The following PPFIBP1 variants were observed in gnomAD, a reference collection of about 807,000 sequenced individuals.
The protein encoded by PPFIBP1 is liprin-beta-1.
PPFIBP1 carries 112 observed loss-of-function variants against 137.8 expected under a neutral mutation model. The observed-to-expected ratio is 0.81, with a 90% CI of 0.70 to 0.95. The LOEUF (loss-of-function observed/expected upper bound fraction) is 0.95, where lower values mean the gene tolerates loss of function less well. Ranked by LOEUF, PPFIBP1 falls within the 40% of genes least tolerant of loss-of-function variation. The probability of loss-of-function intolerance (pLI) is 0.00; values close to 1 mark genes in which losing one functional copy is unlikely to be tolerated. For missense variants in PPFIBP1, 1,083 were observed against 1,196.6 expected (o/e 0.91, Z 1.40); for synonymous variants, 378 against 417.3 (o/e 0.91, Z 1.15).
intron 4 of PPFIBP1, among the ~76,000 whole-genome samples, chr12:27,641,933 T>C (rs2058133454): frequency 7.8e-6 from 1 of 128,984 alleles, no homozygotes; most frequent in Non-Finnish European, 1.7e-5. Context: ...CTATATTAAA[T>C]CTTGCAACTG....
At chr12:27,543,755 T>C (rs920411578) in intron 1 of PPFIBP1, among the ~76,000 whole-genome samples, 9 of 152,192 alleles carry the variant, frequency 5.9e-5, no homozygotes, top group African/African-American at 2.2e-4. Flanking sequence ...CTTATAACGT[T>C]TGCAAGCTGA....
intron 2 of PPFIBP1, among the ~76,000 whole-genome samples, chr12:27,586,619 C>T (rs540509430): frequency 6.6e-6 from 1 of 152,146 alleles, no homozygotes; most frequent in African/African-American, 2.4e-5. Flanking sequence ...ATCACTTGAA[C>T]CCAGGAGGCA....
intron 1 of PPFIBP1, among the ~76,000 whole-genome samples, chr12:27,528,168 C>T (rs199973370): frequency 1.4e-4 from 21 of 151,984 alleles, no homozygotes; most frequent in African/African-American, 4.4e-4. Context: ...AGGCTGGTCT[C>T]GAACTCCTGA....
rs33939858 is a variant in PPFIBP1 at position 27,593,129 on chromosome 12, CAAAA to C, written c.-36+14908_-36+14911del. Among the ~76,000 whole-genome samples the C allele has an allele frequency of 3.4e-3, 345 of 100,908 alleles. 3 individuals carry two copies. Among genetic ancestry groups the C allele is most frequent in the Non-Finnish European group, 3.8e-3 (202 of 52,856 alleles). The allele number at this position is 100,908 out of a possible 152,430, so 66.2% of individuals were successfully genotyped here. A position where few individuals can be genotyped will look rare whatever the true frequency, so the allele number is the denominator to read the frequency against. On this transcript the variant is annotated intron_variant, in intron 2 of 29. Transcript: ENST00000228425. ...CCTGGGCAACGGAGAAAGAATGTCT[CAAAA>C]AAAAAAAAAAAAAAAAAGCCCAAGT...
intron 7 of PPFIBP1, among the ~76,000 whole-genome samples, chr12:27,651,192 T>G (rs2058854952): frequency 6.6e-6 from 1 of 152,206 alleles, no homozygotes; most frequent in African/African-American, 2.4e-5. Context: ...TGTCAAAGAT[T>G]CAATTACAGT....
rs574728191 is a variant in PPFIBP1 at position 27,693,998 on chromosome 12, T to G, written c.*1116T>G. On this transcript the variant is annotated 3_prime_UTR_variant, in exon 30 of 30. Coordinates refer to ENST00000228425, the MANE Select transcript of PPFIBP1 (RefSeq NM_003622.4). ...GCCTGTTATTTTTTTATTATTATTG[T>G]TTTTTTTTAGTGACAGAGTCTCATT... The G allele has an allele frequency of 4.7e-5, 7 of 149,646 alleles. No homozygotes were observed. Among genetic ancestry groups the G allele is most frequent in the Admixed American group, 2.7e-4 (4 of 15,054 alleles). 9.3% of individuals were successfully genotyped at this position (149,646 alleles called of 1,614,324 possible).
At chr12:27,594,354 T>A (rs1330989253) in intron 2 of PPFIBP1, among the ~76,000 whole-genome samples, 2 of 152,028 alleles carry the variant, frequency 1.3e-5, no homozygotes, top group Non-Finnish European at 2.9e-5. Context: ...ATTTTTGTAT[T>A]TTTAGTGGAG....
rs1213195251 is a variant in PPFIBP1 at position 27,682,689 on chromosome 12, C to T, written c.2233C>T (p.His745Tyr). 5.0e-6 allele frequency: 8 copies of T among 1,614,114 alleles called. No individual in the cohort carries two copies. In the Admixed American group the frequency reaches 8.3e-5, roughly 17 times the overall value. Reference protein sequence around the residue: ...DEGRVDGRMLHYMTVDDLLSL... With the variant: ...DEGRVDGRMLYYMTVDDLLSL... ...AGGACGGGTTGATGGTCGAATGCTA[C>T]ATTACATGACTGTTGTAAGTGACTC... is the stretch of plus-strand genomic sequence containing the variant. The change falls in exon 24 of 30, where the codon CAT becomes TAT. Residue 745 changes from histidine (H) to tyrosine (Y), a missense_variant. By Grantham distance (83) the His-to-Tyr change is moderately conservative (BLOSUM62 2). Transcript: ENST00000228425.
intron 1 of PPFIBP1, among the ~76,000 whole-genome samples, chr12:27,572,348 T>TA (rs2050219221): frequency 6.6e-6 from 1 of 152,236 alleles, no homozygotes. Context: ...TGTTTACTTT[T>TA]ATATAAAACT....
intron 5 of PPFIBP1, among the ~76,000 whole-genome samples, chr12:27,646,579 G>T (rs1185313871): frequency 6.6e-6 from 1 of 151,824 alleles, no homozygotes; most frequent in Non-Finnish European, 1.5e-5. Context: ...ATATATAGCA[G>T]AAATTCAGAT....
In PPFIBP1 at chr12:27,682,636, T is replaced by A; in HGVS notation, c.2180T>A (p.Leu727His). Residue 727 changes from leucine to histidine, a missense_variant, in exon 24 of 30, where the codon CTC becomes CAC. Coordinates refer to ENST00000228425, the MANE Select transcript of PPFIBP1 (RefSeq NM_003622.4). ...WVTRWLDDIG[L>H]PQYKTQFDEG... ...TTAGGATGGTTGGATGACATTGGCC[T>A]CCCTCAATATAAGACCCAGTTTGAT... 6.2e-7 allele frequency: 1 copy of A among 1,614,164 alleles called. No individual in the cohort carries two copies. The highest frequency in any genetic ancestry group is 8.5e-7 in the Non-Finnish European group (1 of 1,180,018).
chr12:27,666,471 T>C (rs1489135126), intron 12 of PPFIBP1, among the ~76,000 whole-genome samples: 1 of 152,230 alleles, frequency 6.6e-6, no homozygotes, highest in African/African-American at 2.4e-5. Flanking sequence ...ATATTATTTG[T>C]AGATTAGCGT....
intron 4 of PPFIBP1, among the ~76,000 whole-genome samples, chr12:27,643,324 T>C (rs1162938102): frequency 1.5e-5 from 2 of 130,188 alleles, no homozygotes; most frequent in African/African-American, 6.2e-5. Flanking sequence ...TATCGCCCAC[T>C]GTATGTCACA....
At chr12:27,673,434 CCTAGTACATGCAGAGGATGCAGCA>C (rs1314746559) in intron 15 of PPFIBP1, among the ~76,000 whole-genome samples, 1 of 152,100 alleles carries the variant, frequency 6.6e-6, no homozygotes, top group Non-Finnish European at 1.5e-5. Flanking sequence ...TTTTAAAGTT[CCTAGTACATGCAGAGGATGCAGCA>C]CTAGTCCATG....
intron 1 of PPFIBP1, among the ~76,000 whole-genome samples, chr12:27,544,201 C>G (rs1945982276): frequency 1.3e-5 from 2 of 152,010 alleles, no homozygotes; most frequent in Non-Finnish European, 2.9e-5. Context: ...AATTTGCAGC[C>G]AAAGTGGACA....
At chr12:27,595,132 T>G (rs943878011) in intron 2 of PPFIBP1, among the ~76,000 whole-genome samples, 3 of 152,250 alleles carry the variant, frequency 2.0e-5, no homozygotes, top group African/African-American at 7.2e-5. Flanking sequence ...CCAGGAAGGT[T>G]TTGCTGTTTA....
At chr12:27,691,689 C>A in intron 27 of PPFIBP1, 60 bp from the exon 28 acceptor site, 1 of 1,415,042 alleles carries the variant, frequency 7.1e-7, no homozygotes, top group Non-Finnish European at 9.7e-7. Flanking sequence ...TGTTATCAGG[C>A]CTTGATTATA....
In PPFIBP1 at chr12:27,673,798, G is replaced by C. The variant is rs1213744840; in HGVS notation, c.1351G>C (p.Gly451Arg). 7 of 1,613,490 alleles carry C rather than the reference G, an allele frequency of 4.3e-6. No homozygotes were observed. Among genetic ancestry groups the C allele is most frequent in the Non-Finnish European group, 5.9e-6 (7 of 1,179,724 alleles). ...AAGTCTGCAGAAGTCCAGCAGCCTG[G>C]GCAATCTGAAGAAAGAGACATCTGA... ...TSSLQKSSSL[G>R]NLKKETSDGE... Residue 451 changes from glycine to arginine, a missense_variant, in exon 16 of 30, where the codon GGC becomes CGC. Physicochemically the swap from Gly to Arg is moderately radical, Grantham distance 125. Transcript: ENST00000228425.
At chr12:27,675,440 C>T (rs537907659) in intron 17 of PPFIBP1, among the ~76,000 whole-genome samples, 1 of 152,076 alleles carries the variant, frequency 6.6e-6, no homozygotes, top group Non-Finnish European at 1.5e-5. Context: ...ACCTAAAATA[C>T]CTATATCCCC....
Sources: allele counts gnomAD v4.1 joint callset (sites outside exome capture counted in the v4.1 genomes callset), GRCh38; gene constraint gnomAD v4.1.1; transcripts MANE v1.5; gene names NCBI Gene and HGNC (gene_info 2026-07-23, HGNC 2026-07-21).